Variants in BIN2 observed in about 807,000 individuals in gnomAD.
BIN2 encodes the protein bridging integrator 2, also known as breast cancer associated protein BRAP1.
In BIN2, 43 loss-of-function variants were observed where a neutral mutation model predicts 67.9. The ratio of observed to expected loss-of-function variants is 0.63; its 90% confidence interval spans 0.50 to 0.82. The LOEUF is 0.82. BIN2 is among the 40% of genes least tolerant of loss of function. BIN2 has a pLI of 0.00. For synonymous variants in BIN2, 244 were observed against 246.8 expected, an observed-to-expected ratio of 0.99 and a Z score of 0.11; for missense variants, 581 against 671.6, an observed-to-expected ratio of 0.87 and a Z score of 1.49.
chr12:51,299,827 C>T, intron 5 of BIN2, 113 bp from the exon 6 acceptor site: 1 of 981,314 alleles, frequency 1.0e-6, no homozygotes, highest in Non-Finnish European at 1.6e-6. Context: ...TCAAATTTCA[C>T]TTTCGTTGTT....
Position 51,299,477 on chromosome 12 carries a change from AT to A in BIN2, c.516+129del, listed in dbSNP as rs1205175704. 7 of 1,029,418 alleles carry A rather than the reference AT, an allele frequency of 6.8e-6. No individual in the cohort carries two copies. In the African/African-American group the frequency reaches 1.1e-4, roughly 16 times the overall value. 63.8% of individuals were successfully genotyped at this position (1,029,418 alleles called of 1,614,324 possible). A position where few individuals can be genotyped will look rare whatever the true frequency, so the allele number is the denominator to read the frequency against. On this transcript the variant is annotated intron_variant, in intron 6 of 12. Transcript: ENST00000615107. ...ACAGCATCAGTGTCAGAAGAAACAGATTTCCTTTAGGACACTGGATGCTGAA... is the reference window on the plus strand; with the variant it reads ...ACAGCATCAGTGTCAGAAGAAACAGATTCCTTTAGGACACTGGATGCTGAA...
chr12:51,290,738 CCTGA>C (rs1945358235), intron 10 of BIN2, among the ~76,000 whole-genome samples: 2 of 151,886 alleles, frequency 1.3e-5, no homozygotes, highest in African/African-American at 4.8e-5. Context: ...TCGAGACCAT[CCTGA>C]CTAACACAGT....
intron 2 of BIN2, among the ~76,000 whole-genome samples, 161 bp downstream of exon 2, chr12:51,313,662 G>A (rs1592278777): frequency 2.0e-5 from 3 of 152,086 alleles, no homozygotes; most frequent in African/African-American, 4.8e-5. Context: ...TTAGTTCACC[G>A]AGGAAGGATA....
chr12:51,292,863 G>A (rs546595815), intron 9 of BIN2, among the ~76,000 whole-genome samples: 1 of 152,138 alleles, frequency 6.6e-6, no homozygotes, highest in South Asian at 2.1e-4. Context: ...CTAACTTTGT[G>A]CTTTTTGCTG....
chr12:51,304,250 A>AAAAC (rs766826469), intron 2 of BIN2: 3 of 152,692 alleles, frequency 2.0e-5, no homozygotes, highest in African/African-American at 4.8e-5. Flanking sequence ...ACTCCATCTC[A>AAAAC]AAACAAACAA....
At chr12:51,321,491 C>T (rs1946282858) in intron 1 of BIN2, among the ~76,000 whole-genome samples, 1 of 152,066 alleles carries the variant, frequency 6.6e-6, no homozygotes, top group African/African-American at 2.4e-5. Context: ...CCTCCGCCTC[C>T]CAGGTTCAAG....
At chr12:51,281,567 C>T (rs1299697372) in intron 12 of BIN2, 39 bp from the exon 13 acceptor site, 1 of 1,610,820 alleles carries the variant, frequency 6.2e-7, no homozygotes, top group Admixed American at 1.7e-5. Context: ...GTTGACCTGC[C>T]TTCCCACCAA....
At chr12:51,323,810 T>C (rs1421755597) in intron 1 of BIN2, among the ~76,000 whole-genome samples, 1 of 152,196 alleles carries the variant, frequency 6.6e-6, no homozygotes, top group Non-Finnish European at 1.5e-5. Context: ...TTGCCCAAGA[T>C]CGGGTGGCGG....
intron 2 of BIN2, among the ~76,000 whole-genome samples, chr12:51,311,617 T>C (rs891975134): frequency 2.0e-5 from 3 of 152,018 alleles, no homozygotes; most frequent in Non-Finnish European, 4.4e-5. Flanking sequence ...CTAGGCTCAA[T>C]TGATTCTCCT....
chr12:51,299,579 C>A, intron 6 of BIN2, 28 bp downstream of exon 6: 1 of 1,600,620 alleles, frequency 6.2e-7, no homozygotes, highest in Non-Finnish European at 8.6e-7. Flanking sequence ...GAAGGGTTTA[C>A]CAGTTTTTGT....
rs1190582770 is a variant in BIN2 at position 51,313,826 on chromosome 12, T to C, written c.159A>G (p.Gln53=). The C allele has an allele frequency of 1.2e-6, 2 of 1,612,396 alleles. No homozygotes were observed. Among genetic ancestry groups the C allele is most frequent in the Admixed American group, 1.7e-5 (1 of 59,998 alleles). ...CCTCCCCTACCCTCCAGATTACCTG[T>C]TGTTGGTAGAAGTTGCTAGCGCTTT... ...FEQSASNFYQ[Q]QAEGHKLYKD... Residue 53 remains glutamine, a synonymous_variant, in exon 2 of 13, where the codon CAA becomes CAG. Transcript: ENST00000615107.
At chr12:51,307,340 G>T (rs1945892797) in intron 2 of BIN2, among the ~76,000 whole-genome samples, 1 of 149,772 alleles carries the variant, frequency 6.7e-6, no homozygotes, top group Non-Finnish European at 1.5e-5. Context: ...GGAGAAAAAA[G>T]GACTCAATTT....
chr12:51,318,552 G>A (rs1946190027), intron 1 of BIN2, among the ~76,000 whole-genome samples: 1 of 152,144 alleles, frequency 6.6e-6, no homozygotes, highest in Non-Finnish European at 1.5e-5. Context: ...GAGCCACTGG[G>A]CCACCAGTAT....
Position 51,296,584 on chromosome 12 carries a change from TAGC to T in BIN2, c.678+502_678+504del, listed in dbSNP as rs542386468. On this transcript the variant is annotated intron_variant, in intron 8 of 12. Coordinates refer to ENST00000615107, the MANE Select transcript of BIN2 (RefSeq NM_016293.4). ...AATAAACTATGGAGAGTAGTATGTA[TAGC>T]TGTTTGTGAATATAACTAATATAAA... Among the ~76,000 whole-genome samples, 231 of 152,218 alleles carry T rather than the reference TAGC, an allele frequency of 1.5e-3. 3 individuals carry two copies. The highest frequency in any genetic ancestry group is 5.4e-3 in the African/African-American group (223 of 41,554).
At chr12:51,321,258 T>C (rs1455527879) in intron 1 of BIN2, among the ~76,000 whole-genome samples, 5 of 152,174 alleles carry the variant, frequency 3.3e-5, no homozygotes, top group Admixed American at 1.3e-4. Context: ...TTCAGTAATA[T>C]TTCTGCTACC....
chr12:51,300,113 C>G (rs1237289841), intron 5 of BIN2, among the ~76,000 whole-genome samples: 2 of 152,102 alleles, frequency 1.3e-5, no homozygotes, highest in African/African-American at 4.8e-5. Context: ...GCTGGGATTA[C>G]AGGCAGGAGC....
chr12:51,283,827 T>A (rs1291972254), intron 12 of BIN2, among the ~76,000 whole-genome samples: 1 of 151,932 alleles, frequency 6.6e-6, no homozygotes, highest in African/African-American at 2.4e-5. Context: ...AAACCCCGTC[T>A]CTACTAAAAG....
chr12:51,287,452 C>A (rs1945266559), intron 11 of BIN2, among the ~76,000 whole-genome samples: 1 of 152,024 alleles, frequency 6.6e-6, no homozygotes, highest in South Asian at 2.1e-4. Context: ...CCTGCCTCAG[C>A]CTCCTCAGTA....
At chr12:51,298,262 C>T (rs1945622833) in intron 7 of BIN2, among the ~76,000 whole-genome samples, 1 of 152,162 alleles carries the variant, frequency 6.6e-6, no homozygotes, top group African/African-American at 2.4e-5. Context: ...GTCCCAGCTA[C>T]TTGGGAGGCT....
Sources: gnomAD v4.1 joint callset for allele counts (sites outside exome capture counted in the v4.1 genomes callset) on GRCh38, gnomAD v4.1.1 for gene constraint, MANE v1.5 for transcripts, NCBI Gene and HGNC (gene_info 2026-07-23, HGNC 2026-07-21) for gene names.